Variants in ROBO2 observed in about 807,000 individuals in gnomAD.
ROBO2 encodes roundabout guidance receptor 2.
A neutral mutation model predicts 160.8 loss-of-function variants in ROBO2; 53 were observed. The ratio of observed to expected loss-of-function variants is 0.33; its 90% confidence interval spans 0.26 to 0.41. ROBO2 has a LOEUF of 0.41. Ranked by LOEUF, ROBO2 falls within the 10% of genes least tolerant of loss-of-function variation. ROBO2 has a pLI of 1.00. For missense variants in ROBO2, 1,577 were observed against 1,722.4 expected, an observed-to-expected ratio of 0.92 and a Z score of 1.49; for synonymous variants, 664 against 611.7, an observed-to-expected ratio of 1.09 and a Z score of -1.26.
chr3:76,937,209 G>A (rs1162834412), intron 2 of ROBO2, among the ~76,000 whole-genome samples: 1 of 152,122 alleles, frequency 6.6e-6, no homozygotes, highest in Non-Finnish European at 1.5e-5. Context: ...GAAGGGCTAG[G>A]TCATTTTACC....
chr3:76,171,804 C>T (rs566440958), intron 2 of ROBO2, among the ~76,000 whole-genome samples: 121 of 152,080 alleles, frequency 8.0e-4, no homozygotes, highest in Non-Finnish European at 1.6e-3. Context: ...AGCTAAATAT[C>T]TTAAAGAACC....
intron 2 of ROBO2, among the ~76,000 whole-genome samples, chr3:76,123,474 G>A (rs991032943): frequency 6.6e-6 from 1 of 152,060 alleles, no homozygotes; most frequent in Non-Finnish European, 1.5e-5. Flanking sequence ...TAACCAATAA[G>A]TTGAGCGACT....
intron 2 of ROBO2, among the ~76,000 whole-genome samples, chr3:76,686,773 CA>C (rs1361262120): frequency 1.3e-5 from 2 of 151,664 alleles, no homozygotes; most frequent in Non-Finnish European, 2.9e-5. Context: ...CCTTGGCAAA[CA>C]AGGCAAGAGA....
rs574512001 is a variant in ROBO2, at chr3:76,125,919, T to C, written c.109+188317T>C. Among the ~76,000 whole-genome samples, 212 of 152,226 alleles carry C rather than the reference T, an allele frequency of 1.4e-3. 5 individuals carry two copies. The highest frequency in any genetic ancestry group is 3.2e-3 in the Admixed American group (49 of 15,282). On this transcript the variant is annotated intron_variant, in intron 2 of 26. Coordinates refer to the ROBO2 transcript ENST00000487694. ...TCAGCTCACTGCAACCTCCGCTTCC[T>C]GGATTCAAGCAATTCTCCTGTCTCA...
intron 2 of ROBO2, among the ~76,000 whole-genome samples, chr3:76,639,464 T>A (rs1405418982): frequency 4.7e-5 from 7 of 149,116 alleles, no homozygotes; most frequent in African/African-American, 9.9e-5. Flanking sequence ...CTACACTCTC[T>A]CACACACACA....
chr3:77,164,334 T>C (rs1355132125), intron 2 of ROBO2, among the ~76,000 whole-genome samples: 1 of 152,204 alleles, frequency 6.6e-6, no homozygotes, highest in African/African-American at 2.4e-5. Flanking sequence ...CATTTGCACA[T>C]TTAAATAGTA....
At chr3:76,738,217 C>T (rs1382311647) in intron 2 of ROBO2, among the ~76,000 whole-genome samples, 1 of 152,134 alleles carries the variant, frequency 6.6e-6, no homozygotes, top group African/African-American at 2.4e-5. Context: ...AGCCACTTTT[C>T]TACACATAAT....
At chr3:76,279,637 A>G (rs1358171230) in intron 2 of ROBO2, among the ~76,000 whole-genome samples, 1 of 151,996 alleles carries the variant, frequency 6.6e-6, no homozygotes, top group Non-Finnish European at 1.5e-5. Flanking sequence ...ATGAGAATAT[A>G]TTCATTTGTA....
In ROBO2 at chr3:76,272,840, T is replaced by TTTATATATAAAATATATAAAA. The variant is rs1164233852; in HGVS notation, c.109+335239_109+335240insTATATATAAAATATATAAAAT. On this transcript the variant is annotated intron_variant, in intron 2 of 26. Coordinates refer to the ROBO2 transcript ENST00000487694. Reference sequence around the variant, plus strand: ...TGTATTTATATATAAAATATATATATTATATATTATATATAAAATATATAA... The same window carrying TTTATATATAAAATATATAAAA: ...TGTATTTATATATAAAATATATATATTTATATATAAAATATATAAAATATATATTATATATAAAATATATAA... 4.7e-3 allele frequency among the ~76,000 whole-genome samples: 14 copies of TTTATATATAAAATATATAAAA among 2,966 alleles called. 1 individual carries two copies. The highest frequency in any genetic ancestry group is 0.031 in the Admixed American group (4 of 130). The allele number at this position is 2,966 out of a possible 152,430, so 1.9% of individuals were successfully genotyped here. A position where few individuals can be genotyped will look rare whatever the true frequency, so the allele number is the denominator to read the frequency against.
chr3:76,490,535 G>A (rs755300548), intron 2 of ROBO2, among the ~76,000 whole-genome samples: 68 of 152,166 alleles, frequency 4.5e-4, no homozygotes, highest in Non-Finnish European at 1.8e-4. Context: ...CTATACTGAG[G>A]TTAAGAATTA....
At chr3:76,413,040 A>G (rs1426650103) in intron 2 of ROBO2, among the ~76,000 whole-genome samples, 1 of 152,230 alleles carries the variant, frequency 6.6e-6, no homozygotes, top group Admixed American at 6.5e-5. Flanking sequence ...ATGCAGTCTC[A>G]ACACCATGTG....
chr3:75,994,156 G>T lies in ROBO2; in HGVS notation c.109+56554G>T, dbSNP rs866785522. Among the ~76,000 whole-genome samples, 25 of 152,172 alleles carry T rather than the reference G, an allele frequency of 1.6e-4. No homozygotes were observed. In the South Asian group the frequency reaches 5.2e-3, roughly 32 times the overall value. On this transcript the variant is annotated intron_variant, in intron 2 of 26. Transcript: ENST00000487694. ...ATAAAGGTGATCCAATTAACTTTAG[G>T]GGGTCCACACCAAATTTAATCTGGA...
At chr3:77,513,146 T>C (rs1444155527) in intron 5 of ROBO2, among the ~76,000 whole-genome samples, 1 of 151,978 alleles carries the variant, frequency 6.6e-6, no homozygotes, top group East Asian at 1.9e-4. Context: ...GAACTGAGCA[T>C]GATAAAATTC....
chr3:77,374,835 T>C (rs1403908891), intron 2 of ROBO2, among the ~76,000 whole-genome samples: 4 of 152,254 alleles, frequency 2.6e-5, no homozygotes, highest in Non-Finnish European at 5.9e-5. Flanking sequence ...AGTAAATTCT[T>C]ATTTTAATCC....
chr3:76,610,983 G>A (rs985089762), intron 2 of ROBO2, among the ~76,000 whole-genome samples: 1 of 152,200 alleles, frequency 6.6e-6, no homozygotes, highest in Non-Finnish European at 1.5e-5. Flanking sequence ...AGCTGTGAGA[G>A]GGGACCCGAG....
At chr3:76,032,943 T>G (rs1171513809) in intron 2 of ROBO2, among the ~76,000 whole-genome samples, 1 of 152,194 alleles carries the variant, frequency 6.6e-6, no homozygotes, top group African/African-American at 2.4e-5. Flanking sequence ...TTAGACAAGA[T>G]AGTGTTTTCT....
chr3:77,196,007 C>T (rs1299034615), intron 2 of ROBO2, among the ~76,000 whole-genome samples: 2 of 152,196 alleles, frequency 1.3e-5, no homozygotes, highest in Non-Finnish European at 2.9e-5. Context: ...CAGGGCCACT[C>T]ACATTGATTC....
intron 2 of ROBO2, among the ~76,000 whole-genome samples, chr3:76,218,683 A>C (rs970044024): frequency 3.9e-5 from 6 of 152,212 alleles, no homozygotes; most frequent in Non-Finnish European, 5.9e-5. Flanking sequence ...CAAATGGAAG[A>C]ACATTCCATG....
chr3:77,355,546 C>G (rs149684039), intron 2 of ROBO2, among the ~76,000 whole-genome samples: 1,663 of 152,022 alleles, frequency 0.011, 17 homozygotes, highest in Middle Eastern at 0.017. Flanking sequence ...TGCTGAGATG[C>G]GGATTCAGGA....
Sources: allele counts gnomAD v4.1 joint callset (sites outside exome capture counted in the v4.1 genomes callset), GRCh38; gene constraint gnomAD v4.1.1; transcripts MANE v1.5; gene names NCBI Gene and HGNC (gene_info 2026-07-23, HGNC 2026-07-21).